The following GLIS3 variants were observed in gnomAD, a reference collection of about 807,000 sequenced individuals.
GLIS3 encodes GLIS family zinc finger 3.
GLIS3 carries 53 observed loss-of-function variants against 78.6 expected under a neutral mutation model. The observed-to-expected ratio is 0.67, with a 90% CI of 0.54 to 0.85. The LOEUF is 0.85. Among genes scored for constraint, GLIS3 ranks in the 40% least tolerant of loss-of-function variants. The pLI is 0.00. For synonymous variants in GLIS3, 684 were observed against 509.9 expected (o/e 1.34, Z -4.60); for missense variants, 1,703 against 1,231.1 (o/e 1.38, Z -5.74).
chr9:4,483,643 C>A, the GLIS3 span, among the ~76,000 whole-genome samples: 1 of 151,006 alleles, frequency 6.6e-6, no homozygotes, highest in Non-Finnish European at 1.5e-5. Context: ...TCACTTGAAC[C>A]TGGGAGGCGG....
At chr9:4,349,273 GTTAT>G (rs1426496510), upstream of GLIS3, among the ~76,000 whole-genome samples, 10 of 152,102 alleles carry the variant, frequency 6.6e-5, no homozygotes, top group Admixed American at 4.6e-4. Flanking sequence ...GCAGACTAAT[GTTAT>G]TTAAATATTT....
intron 2 of GLIS3, among the ~76,000 whole-genome samples, chr9:4,161,932 T>C (rs952395042): frequency 7.9e-5 from 12 of 152,008 alleles, no homozygotes; most frequent in Middle Eastern, 3.4e-3. Context: ...GTGATCCACC[T>C]GCCTCGGCCT....
chr9:3,969,439 T>C lies in GLIS3; in HGVS notation c.1711-32250A>G, dbSNP rs113146849. Reference sequence around the variant, plus strand: ...ATTTACTAAGGCCCAATGTTTCCACTCAAAGTAGACCTTCTTTTGGTCTTG... The same window carrying C: ...ATTTACTAAGGCCCAATGTTTCCACCCAAAGTAGACCTTCTTTTGGTCTTG... On this transcript the variant is annotated intron_variant, in intron 4 of 10. Transcript: ENST00000381971. Among the ~76,000 whole-genome samples the C allele has an allele frequency of 6.9e-3, 1,051 of 152,328 alleles. 9 individuals are homozygous for C. The highest frequency in any genetic ancestry group is 0.023 in the African/African-American group (961 of 41,572).
At chr9:4,040,939 C>G (rs2130363671) in intron 4 of GLIS3, among the ~76,000 whole-genome samples, 1 of 152,224 alleles carries the variant, frequency 6.6e-6, no homozygotes, top group African/African-American at 2.4e-5. Flanking sequence ...ACATCAGGAC[C>G]CACTCCAGAC....
the GLIS3 span, among the ~76,000 whole-genome samples, chr9:4,486,632 A>T: frequency 6.6e-6 from 1 of 152,170 alleles, no homozygotes; most frequent in South Asian, 2.1e-4. Flanking sequence ...CTATTAATAA[A>T]TCTGCCTGTC....
chr9:4,332,036 A>T (rs986319856), intron 2 of GLIS3, among the ~76,000 whole-genome samples: 4 of 152,060 alleles, frequency 2.6e-5, no homozygotes, highest in African/African-American at 7.3e-5. Context: ...GTTATCCCTA[A>T]ATCTTCTCTC....
At chr9:4,410,155 T>C in the GLIS3 span, among the ~76,000 whole-genome samples, 1 of 150,950 alleles carries the variant, frequency 6.6e-6, no homozygotes, top group African/African-American at 2.4e-5. Context: ...TTTTTTTTCT[T>C]AAGCAGAGAC....
At chr9:4,314,531 C>CA (rs1340574932) in intron 2 of GLIS3, among the ~76,000 whole-genome samples, 1 of 152,018 alleles carries the variant, frequency 6.6e-6, no homozygotes, top group East Asian at 1.9e-4. Context: ...GGTCTTCAGG[C>CA]AAAAAAGAAA....
intron 3 of GLIS3, among the ~76,000 whole-genome samples, chr9:4,121,307 G>A (rs1269477570): frequency 1.3e-5 from 2 of 152,156 alleles, no homozygotes; most frequent in African/African-American, 4.8e-5. Context: ...TGTCTTAAAT[G>A]TAGTTAACTT....
intron 4 of GLIS3, among the ~76,000 whole-genome samples, chr9:3,957,426 T>G (rs1817200651): frequency 6.6e-6 from 1 of 152,218 alleles, no homozygotes. Flanking sequence ...AGCCTGCGTG[T>G]GCAGGAGGAA....
chr9:4,120,111 T>C (rs1832063755), intron 3 of GLIS3, among the ~76,000 whole-genome samples: 2 of 152,198 alleles, frequency 1.3e-5, no homozygotes, highest in African/African-American at 4.8e-5. Flanking sequence ...CTTCTCAAAA[T>C]GAACACATTG....
intron 8 of GLIS3, among the ~76,000 whole-genome samples, chr9:3,870,948 A>T (rs1052329287): frequency 6.6e-6 from 1 of 152,230 alleles, no homozygotes; most frequent in Non-Finnish European, 1.5e-5. Context: ...GGTCTCTTCC[A>T]CATATGAGCC....
chr9:4,230,812 T>C (rs1404833166), intron 2 of GLIS3, among the ~76,000 whole-genome samples: 1 of 152,120 alleles, frequency 6.6e-6, no homozygotes, highest in Non-Finnish European at 1.5e-5. Flanking sequence ...CCAAAACACA[T>C]AAAAGAATCT....
chr9:3,877,449 T>C lies in GLIS3; in HGVS notation c.2297+1978A>G, dbSNP rs75934040. 2.5e-3 allele frequency among the ~76,000 whole-genome samples: 381 copies of C among 152,348 alleles called. 2 individuals are homozygous for C. Among genetic ancestry groups the C allele is most frequent in the African/African-American group, 8.7e-3 (363 of 41,588 alleles). On this transcript the variant is annotated intron_variant, in intron 8 of 10. Transcript: ENST00000381971. ...AAAAAGTCCAGCATCTTCTGATTCA[T>C]ATTGCTAATTGCCAATCAGACATAT... is the stretch of plus-strand genomic sequence containing the variant.
At chr9:4,250,089 T>C (rs1192734199) in intron 2 of GLIS3, among the ~76,000 whole-genome samples, 1 of 152,208 alleles carries the variant, frequency 6.6e-6, no homozygotes, top group African/African-American at 2.4e-5. Flanking sequence ...TCTTTTTTTG[T>C]TGTATCTCTG....
At chr9:3,965,193 C>CTTTTTTTTTTTTTTTTTTTTT (rs34951383) in intron 4 of GLIS3, among the ~76,000 whole-genome samples, 4 of 100,150 alleles carry the variant, frequency 4.0e-5, no homozygotes, top group Non-Finnish European at 3.7e-5. Context: ...CTTTTCTTTT[C>CTTTTTTTTTTTTTTTTTTTTT]TTTTTTTTTT....
intron 4 of GLIS3, among the ~76,000 whole-genome samples, chr9:4,111,755 T>C (rs368481951): frequency 9.9e-5 from 15 of 152,252 alleles, no homozygotes; most frequent in African/African-American, 3.4e-4. Context: ...TTTTATTTTT[T>C]AAATCAAGGA....
the GLIS3 span, among the ~76,000 whole-genome samples, chr9:4,375,832 T>C: frequency 1.3e-5 from 2 of 152,208 alleles, no homozygotes; most frequent in East Asian, 3.9e-4. Context: ...TGTGAGTCTT[T>C]AGCTCTCCTG....
intron 4 of GLIS3, among the ~76,000 whole-genome samples, chr9:4,076,113 T>G (rs1828031248): frequency 6.6e-6 from 1 of 152,244 alleles, no homozygotes; most frequent in Non-Finnish European, 1.5e-5. Flanking sequence ...GTAAAATATT[T>G]ACACTCTATT....
Sources: allele counts gnomAD v4.1 joint callset (sites outside exome capture counted in the v4.1 genomes callset), GRCh38; gene constraint gnomAD v4.1.1; transcripts MANE v1.5; gene names NCBI Gene and HGNC (gene_info 2026-07-23, HGNC 2026-07-21).